The following PLXDC1 variants were observed in gnomAD, a reference collection of about 807,000 sequenced individuals.
PLXDC1 encodes the protein plexin domain containing 1, also known as plexin domain-containing protein 1.
A neutral mutation model predicts 61.3 loss-of-function variants in PLXDC1; 39 were observed. The ratio of observed to expected loss-of-function variants is 0.64; its 90% CI spans 0.49 to 0.83. The LOEUF (loss-of-function observed/expected upper bound fraction) is 0.83, where lower values mean the gene tolerates loss of function less well. Ranked by LOEUF, PLXDC1 falls within the 40% of genes least tolerant of loss-of-function variation. The probability of loss-of-function intolerance (pLI) is 0.00; values close to 1 mark genes in which losing one functional copy is unlikely to be tolerated. For missense variants in PLXDC1, 596 were observed against 666.5 expected (o/e 0.89, Z 1.17); for synonymous variants, 212 against 254.5 (o/e 0.83, Z 1.59).
chr17:39,108,028 G>A, intron 5 of PLXDC1, 95 bp downstream of exon 5: 1 of 1,507,064 alleles, frequency 6.6e-7, no homozygotes, highest in Non-Finnish European at 9.2e-7. Context: ...GTGGGACTGT[G>A]GGACCCTTGC....
At chr17:39,090,211 C>T (rs1169673176) in intron 7 of PLXDC1, among the ~76,000 whole-genome samples, 6 of 152,182 alleles carry the variant, frequency 3.9e-5, no homozygotes, top group African/African-American at 1.2e-4. Flanking sequence ...AACACAATGC[C>T]CTGCTGCAGG....
At chr17:39,076,321 C>A (rs1189245092) in intron 11 of PLXDC1, among the ~76,000 whole-genome samples, 1 of 151,598 alleles carries the variant, frequency 6.6e-6, no homozygotes, top group Non-Finnish European at 1.5e-5. Context: ...TCAGCCCGGG[C>A]AACATAGTGA....
At position 39,064,854 on chromosome 17, in the gene PLXDC1, A is replaced by T. The variant is rs538398499; in HGVS notation, c.*2986T>A. The stretch of plus-strand genomic sequence containing the variant: ...TGGGTTCCTTTCAAGCTTCTAAAGG[A>T]CACAGTGGGCTGTAACAGAGCTCTC... On this transcript the variant is annotated 3_prime_UTR_variant, in exon 14 of 14. Coordinates refer to ENST00000315392, the MANE Select transcript of PLXDC1 (RefSeq NM_020405.5). 2 of 152,320 alleles carry T rather than the reference A, an allele frequency of 1.3e-5. No individual in the cohort carries two copies. The highest frequency in any genetic ancestry group is 3.9e-4 in the East Asian group (2 of 5,180). The allele number at this position is 152,320 out of a possible 1,614,324, so 9.4% of individuals were successfully genotyped here.
At chr17:39,098,914 G>A (rs1330650199) in intron 7 of PLXDC1, among the ~76,000 whole-genome samples, 1 of 152,184 alleles carries the variant, frequency 6.6e-6, no homozygotes, top group East Asian at 1.9e-4. Context: ...GTGGTTGACT[G>A]CACCCAGCTG....
At chr17:39,086,544 A>C (rs1389677421) in intron 8 of PLXDC1, among the ~76,000 whole-genome samples, 1 of 152,176 alleles carries the variant, frequency 6.6e-6, no homozygotes, top group African/African-American at 2.4e-5. Flanking sequence ...CTGTAATTCC[A>C]ACACTGGACA....
intron 2 of PLXDC1, among the ~76,000 whole-genome samples, chr17:39,114,426 T>C (rs143857209): frequency 1.2e-3 from 176 of 152,308 alleles, no homozygotes; most frequent in African/African-American, 4.1e-3. Context: ...CAAGAAAGCC[T>C]CTCTGATTCC....
At chr17:39,092,078 T>C (rs976928481) in intron 7 of PLXDC1, among the ~76,000 whole-genome samples, 1 of 152,076 alleles carries the variant, frequency 6.6e-6, no homozygotes, top group Admixed American at 6.6e-5. Context: ...CTTTACTTTT[T>C]CATTTATTTA....
chr17:39,099,706 C>A (rs116249003), intron 7 of PLXDC1, among the ~76,000 whole-genome samples: 4 of 152,318 alleles, frequency 2.6e-5, no homozygotes, highest in Admixed American at 2.6e-4. Flanking sequence ...ATAAGTCACT[C>A]TACCTCTCTG....
intron 2 of PLXDC1, among the ~76,000 whole-genome samples, chr17:39,129,760 AAAG>A (rs1911497512): frequency 6.7e-6 from 1 of 149,566 alleles, no homozygotes; most frequent in Non-Finnish European, 1.5e-5. Context: ...AGCAAGAAAG[AAAG>A]AAAGAGAGAA....
rs569546264 is a variant in PLXDC1, at chr17:39,098,274, G to A, written c.811+7580C>T. 4.7e-5 allele frequency among the ~76,000 whole-genome samples: 7 copies of A among 149,918 alleles called. No homozygotes were observed. In the South Asian group the frequency reaches 1.5e-3, roughly 32 times the overall value. ...GATTCCCAGACTTCCTGAATTTTATGCTTGTTCCCGTAAGCTAAAAACCTC... is the reference window on the plus strand; with the variant it reads ...GATTCCCAGACTTCCTGAATTTTATACTTGTTCCCGTAAGCTAAAAACCTC... On this transcript the variant is annotated intron_variant, in intron 7 of 13. Coordinates refer to ENST00000315392, the MANE Select transcript of PLXDC1 (RefSeq NM_020405.5).
In PLXDC1 at chr17:39,135,642, C is replaced by T. The variant is rs893990385; in HGVS notation, c.255+4012G>A. 2.0e-5 allele frequency among the ~76,000 whole-genome samples: 3 copies of T among 148,188 alleles called. No individual in the cohort carries two copies. The South Asian group carries it at 6.4e-4, about 32-fold the overall frequency. The stretch of plus-strand genomic sequence containing the variant: ...CAGTAAACCGAGAGATTACACCACT[C>T]ATTCCAGCCTGGGCAACTGAGCAAC... On this transcript the variant is annotated intron_variant, in intron 2 of 13. Coordinates refer to ENST00000315392, the MANE Select transcript of PLXDC1 (RefSeq NM_020405.5).
chr17:39,143,518 C>A (rs1369744987), intron 1 of PLXDC1, among the ~76,000 whole-genome samples: 1 of 152,242 alleles, frequency 6.6e-6, no homozygotes, highest in Non-Finnish European at 1.5e-5. Flanking sequence ...GGTGCTCCAT[C>A]ACTGCAGAAT....
rs2045337759 is a variant in PLXDC1, at chr17:39,145,807, A to T, written c.76+5555T>A. ...TGAACCCTGAATCTACCACCTACTA[A>T]CTACAACATTGGACAAATTACACAC... On this transcript the variant is annotated intron_variant, in intron 1 of 13. Transcript: ENST00000315392. Among the ~76,000 whole-genome samples the T allele has an allele frequency of 2.6e-5, 4 of 152,122 alleles. No homozygotes were observed. In the South Asian group the frequency reaches 6.2e-4, roughly 24 times the overall value.
intron 1 of PLXDC1, among the ~76,000 whole-genome samples, chr17:39,145,306 T>G (rs2045333219): frequency 6.6e-6 from 1 of 152,170 alleles, no homozygotes; most frequent in South Asian, 2.1e-4. Context: ...TCCCCTCAGC[T>G]GGCACTGGTC....
chr17:39,109,062 T>C (rs1251852580), intron 3 of PLXDC1, 89 bp from the exon 4 acceptor site: 1 of 1,292,354 alleles, frequency 7.7e-7, no homozygotes, highest in African/African-American at 1.5e-5. Context: ...TTGGACAGAG[T>C]GGGGAGCAGG....
At chr17:39,103,076 G>A (rs369988217) in intron 7 of PLXDC1, among the ~76,000 whole-genome samples, 10 of 152,122 alleles carry the variant, frequency 6.6e-5, no homozygotes, top group East Asian at 5.8e-4. Context: ...TTAGCCAGGC[G>A]TGGTGGCAGG....
chr17:39,095,916 CG>C (rs1910178151), intron 7 of PLXDC1, among the ~76,000 whole-genome samples: 1 of 152,188 alleles, frequency 6.6e-6, no homozygotes, highest in African/African-American at 2.4e-5. Flanking sequence ...CCACCCGCCT[CG>C]GCCTCTCAAA....
intron 7 of PLXDC1, among the ~76,000 whole-genome samples, chr17:39,093,933 C>T (rs184333691): frequency 2.9e-4 from 44 of 152,246 alleles, no homozygotes; most frequent in Admixed American, 1.1e-3. Flanking sequence ...CACAGAGCCC[C>T]GCACACGCAT....
intron 7 of PLXDC1, among the ~76,000 whole-genome samples, chr17:39,097,813 G>A (rs7218197): frequency 0.32 from 48,328 of 150,528 alleles, 8,303 homozygotes; most frequent in Admixed American, 0.43. Context: ...GAGGCAGGAG[G>A]ATCGCTTAAG....
Sources: gnomAD v4.1 joint callset for allele counts (sites outside exome capture counted in the v4.1 genomes callset) on GRCh38, gnomAD v4.1.1 for gene constraint, MANE v1.5 for transcripts, NCBI Gene and HGNC (gene_info 2026-07-23, HGNC 2026-07-21) for gene names.